Variants in HPSE2 observed in about 807,000 individuals in gnomAD.
HPSE2 encodes the protein inactive heparanase-2.
Under a neutral mutation model 60.5 loss-of-function variants are expected in HPSE2, and 38 were observed. The ratio of observed to expected loss-of-function variants is 0.63; its 90% CI spans 0.48 to 0.82. The LOEUF is 0.82. HPSE2 is among the 40% of genes least tolerant of loss of function. The pLI is 0.00. For missense variants in HPSE2, 713 were observed against 740.4 expected (o/e 0.96, Z 0.43); for synonymous variants, 295 against 293.2 (o/e 1.01, Z -0.06).
In HPSE2 at chr10:98,935,451, AC is replaced by A. The variant is rs1954760995; in HGVS notation, c.611-191396del. On this transcript the variant is annotated intron_variant, in intron 3 of 11. Coordinates refer to ENST00000370552, the MANE Select transcript of HPSE2 (RefSeq NM_021828.5). ...CTACCTTTGATCTTTGAGGCTGACA[AC>A]CTTTGGATAGGGTTTTTGTGGGGTC... 1.4e-5 allele frequency among the ~76,000 whole-genome samples: 2 copies of A among 143,338 alleles called. 1 individual carries two copies. The highest frequency in any genetic ancestry group is 3.0e-5 in the Non-Finnish European group (2 of 67,066). 94.0% of individuals were successfully genotyped at this position (143,338 alleles called of 152,430 possible). A position where few individuals can be genotyped will look rare whatever the true frequency, so the allele number is the denominator to read the frequency against.
At chr10:99,088,621 G>A (rs970603172) in intron 3 of HPSE2, among the ~76,000 whole-genome samples, 4 of 152,088 alleles carry the variant, frequency 2.6e-5, no homozygotes, top group Non-Finnish European at 4.4e-5. Flanking sequence ...GCATTTGGGC[G>A]GGTTCCACAT....
intron 2 of HPSE2, among the ~76,000 whole-genome samples, chr10:99,193,631 A>G (rs1848296715): frequency 6.6e-6 from 1 of 152,164 alleles, no homozygotes; most frequent in Non-Finnish European, 1.5e-5. Flanking sequence ...GAGCAAGAGT[A>G]GCTATGTTTA....
chr10:99,284,043 C>A, the HPSE2 span, among the ~76,000 whole-genome samples: 1 of 152,120 alleles, frequency 6.6e-6, no homozygotes, highest in African/African-American at 2.4e-5. Context: ...GCCACCATTA[C>A]CCTGTTATCA....
intron 3 of HPSE2, among the ~76,000 whole-genome samples, chr10:99,035,730 T>A (rs1957595344): frequency 6.6e-6 from 1 of 152,176 alleles, no homozygotes; most frequent in Admixed American, 6.5e-5. Context: ...TGTCATTACG[T>A]GATAGGAATT....
the HPSE2 span, among the ~76,000 whole-genome samples, chr10:99,290,099 T>A: frequency 4.6e-5 from 7 of 152,218 alleles, no homozygotes; most frequent in African/African-American, 1.7e-4. Flanking sequence ...ATTGTTTAAA[T>A]TTTAAATTAT....
chr10:99,294,933 G>A, the HPSE2 span, among the ~76,000 whole-genome samples: 1 of 151,620 alleles, frequency 6.6e-6, no homozygotes, highest in Admixed American at 6.6e-5. Context: ...TCCAGCCTGG[G>A]CAACAGAGTG....
At chr10:98,709,495 T>G (rs1045389454) in intron 5 of HPSE2, among the ~76,000 whole-genome samples, 1 of 152,168 alleles carries the variant, frequency 6.6e-6, no homozygotes, top group African/African-American at 2.4e-5. Context: ...ACAAGGGGTC[T>G]TTGCCCTCAT....
chr10:99,163,889 C>T (rs370271932), intron 2 of HPSE2, among the ~76,000 whole-genome samples: 2 of 151,788 alleles, frequency 1.3e-5, no homozygotes, highest in African/African-American at 4.8e-5. Context: ...TTTTGTGGAA[C>T]GATACCACAA....
chr10:98,970,963 T>C (rs775561497), intron 3 of HPSE2, among the ~76,000 whole-genome samples: 22 of 152,178 alleles, frequency 1.4e-4, no homozygotes, highest in Admixed American at 1.4e-3. Context: ...ATGTAAGCAA[T>C]TAAATCTGCA....
chr10:98,488,798 G>A (rs183170846), intron 10 of HPSE2, among the ~76,000 whole-genome samples: 15 of 152,326 alleles, frequency 9.8e-5, no homozygotes, highest in Admixed American at 9.8e-4. Flanking sequence ...GTCAGGTATT[G>A]GATTGAGCTT....
chr10:98,772,000 G>A (rs1355208292), intron 3 of HPSE2, among the ~76,000 whole-genome samples: 1 of 152,172 alleles, frequency 6.6e-6, no homozygotes, highest in African/African-American at 2.4e-5. Flanking sequence ...GGAATGTGCT[G>A]GTGAGAGGCA....
At chr10:98,907,030 T>A (rs1455530626) in intron 3 of HPSE2, among the ~76,000 whole-genome samples, 1 of 152,240 alleles carries the variant, frequency 6.6e-6, no homozygotes, top group Non-Finnish European at 1.5e-5. Flanking sequence ...CACGTAATCT[T>A]ATTTAAATTC....
At chr10:98,829,732 T>C (rs1951638156) in intron 3 of HPSE2, among the ~76,000 whole-genome samples, 1 of 152,188 alleles carries the variant, frequency 6.6e-6, no homozygotes, top group African/African-American at 2.4e-5. Context: ...AAAAACTTTA[T>C]CTAGCCTTTA....
intron 3 of HPSE2, among the ~76,000 whole-genome samples, chr10:98,899,196 A>G (rs11189861): frequency 0.14 from 20,971 of 152,234 alleles, 2,016 homozygotes; most frequent in African/African-American, 0.26. Context: ...TGTAAACAAG[A>G]ATACATGGCT....
chr10:99,168,087 T>TACACACACACACACACAC (rs56393224), intron 2 of HPSE2, among the ~76,000 whole-genome samples: 14 of 144,620 alleles, frequency 9.7e-5, no homozygotes, highest in Non-Finnish European at 1.5e-4. Context: ...TCAGCCTATT[T>TACACACACACACACACAC]ACACACACAC....
intron 3 of HPSE2, among the ~76,000 whole-genome samples, chr10:99,068,142 A>T (rs925369238): frequency 6.6e-6 from 1 of 152,152 alleles, no homozygotes; most frequent in African/African-American, 2.4e-5. Flanking sequence ...AAGCCATTCA[A>T]CAAGTTTCTA....
At chr10:98,967,812 G>C (rs1955850868) in intron 3 of HPSE2, among the ~76,000 whole-genome samples, 1 of 152,108 alleles carries the variant, frequency 6.6e-6, no homozygotes, top group Non-Finnish European at 1.5e-5. Flanking sequence ...TTTAACTTGG[G>C]AGAGCCCAGA....
rs369308100 is a variant in HPSE2 at position 98,549,194 on chromosome 10, A to G, written c.1321-58998T>C. 9.9e-5 allele frequency among the ~76,000 whole-genome samples: 15 copies of G among 152,280 alleles called. No homozygotes were observed. The East Asian group carries it at 2.7e-3, about 27-fold the overall frequency. ...ACCACTTACTGTCTCTCATAGAGAG[A>G]CATTGGGCTAAAAAAAATTGAGCCT... On this transcript the variant is annotated intron_variant, in intron 9 of 11. Transcript: ENST00000370552.
chr10:98,936,978 CAAAAAAAAAAAA>C (rs1214450704), intron 3 of HPSE2, among the ~76,000 whole-genome samples: 2 of 31,018 alleles, frequency 6.4e-5, no homozygotes, highest in South Asian at 1.1e-3. Flanking sequence ...GACTCCATCT[CAAAAAAAAAAAA>C]AAAAAAAAAA....
Sources: gnomAD v4.1 joint callset for allele counts (sites outside exome capture counted in the v4.1 genomes callset) on GRCh38, gnomAD v4.1.1 for gene constraint, MANE v1.5 for transcripts, NCBI Gene and HGNC (gene_info 2026-07-23, HGNC 2026-07-21) for gene names.